Variants in SLC23A1 observed in about 807,000 individuals in gnomAD.
SLC23A1 encodes solute carrier family 23 member 1.
SLC23A1 carries 31 observed loss-of-function variants against 62.5 expected under a neutral mutation model. The observed-to-expected ratio is 0.50, with a 90% CI of 0.37 to 0.67. SLC23A1 has a LOEUF of 0.67. SLC23A1 is among the 30% of genes least tolerant of loss of function. SLC23A1 has a pLI of 0.00. For missense variants in SLC23A1, 640 were observed against 782.7 expected, an observed-to-expected ratio of 0.82 and a Z score of 2.18; for synonymous variants, 271 against 313.2, an observed-to-expected ratio of 0.87 and a Z score of 1.42.
At chr5:139,371,538 G>A (rs1233752832) in intron 14 of SLC23A1, among the ~76,000 whole-genome samples, 2 of 152,202 alleles carry the variant, frequency 1.3e-5, no homozygotes, top group African/African-American at 4.8e-5. Context: ...ATTTTATGAC[G>A]TTATTGAGAC....
chr5:139,385,365 C>T (rs975323635), upstream of SLC23A1, among the ~76,000 whole-genome samples: 1 of 152,166 alleles, frequency 6.6e-6, no homozygotes. Flanking sequence ...CCAGAGAAAG[C>T]AGGACTGAGA....
chr5:139,384,767 G>A (rs1758445016), upstream of SLC23A1: 1 of 984,832 alleles, frequency 1.0e-6, no homozygotes, highest in African/African-American at 1.7e-5. Flanking sequence ...AGCTGATGCA[G>A]CCTCTCTAAT....
chr5:139,377,087 C>G (rs1233255080), intron 13 of SLC23A1, among the ~76,000 whole-genome samples: 7 of 151,862 alleles, frequency 4.6e-5, no homozygotes, highest in African/African-American at 1.5e-4. Flanking sequence ...CCACTGCACT[C>G]CAGCCTGGGT....
chr5:139,383,114 TC>T (rs1758361681), intron 1 of SLC23A1, 103 bp downstream of exon 1: 1 of 754,576 alleles, frequency 1.3e-6, no homozygotes, highest in African/African-American at 1.8e-5. Flanking sequence ...CTTATCAAGT[TC>T]ATCAGAACGT....
In SLC23A1 at chr5:139,378,734, G is replaced by T; in HGVS notation, c.1074-50C>A. Reference sequence around the variant, plus strand: ...CTTGGTCCAGCCTCTGCACCAGTCTGTGTTCCCCCATCATCTTAGCAAGCT... The same window carrying T: ...CTTGGTCCAGCCTCTGCACCAGTCTTTGTTCCCCCATCATCTTAGCAAGCT... On this transcript the variant is annotated intron_variant, in intron 9 of 14. Transcript: ENST00000348729. This position sits in a 1 kb window ranked among gnomAD's most constrained non-coding sequence, Gnocchi z 4.5. 1 of 1,363,240 alleles carries T rather than the reference G, an allele frequency of 7.3e-7. No homozygotes were observed. Among genetic ancestry groups the T allele is most frequent in the Non-Finnish European group, 1.0e-6 (1 of 972,404 alleles). The allele number at this position is 1,363,240 out of a possible 1,614,324, so 84.4% of individuals were successfully genotyped here.
chr5:139,379,123 C>T lies in SLC23A1; in HGVS notation c.1073+84G>A. On this transcript the variant is annotated intron_variant, in intron 9 of 14. Transcript: ENST00000348729. The surrounding 1 kb of genome is among the most constrained non-coding windows in gnomAD (Gnocchi z 4.7). The stretch of plus-strand genomic sequence containing the variant: ...GTGTTCCCGACTTGCCTAAGCCTAC[C>T]CCCTGGGCCTCCACCCCGTTCCTGT... 3 of 1,435,740 alleles carry T rather than the reference C, an allele frequency of 2.1e-6. No individual in the cohort carries two copies. The highest frequency in any genetic ancestry group is 2.9e-6 in the Non-Finnish European group (3 of 1,029,590). 88.9% of individuals were successfully genotyped at this position (1,435,740 alleles called of 1,614,324 possible).
intron 14 of SLC23A1, among the ~76,000 whole-genome samples, chr5:139,368,271 C>G (rs931415426): frequency 1.3e-5 from 2 of 151,916 alleles, no homozygotes; most frequent in African/African-American, 4.8e-5. Flanking sequence ...ACCCGGGAGG[C>G]GGAGCTTGCA....
chr5:139,372,259 A>G lies in SLC23A1; in HGVS notation c.1550-6T>C, dbSNP rs768197107. On this transcript the variant is annotated splice_polypyrimidine_tract_variant and splice_region_variant and intron_variant, in intron 13 of 14. Transcript: ENST00000348729. The stretch of plus-strand genomic sequence containing the variant: ...ACCACGCTCCTCTGGGCTCCCTGGA[A>G]GAGGATAGTGAGGTCATTTACCAAG... 6.2e-7 allele frequency: 1 copy of G among 1,611,906 alleles called. No homozygotes were observed. The highest frequency in any genetic ancestry group is 8.5e-7 in the Non-Finnish European group (1 of 1,178,892).
chr5:139,380,384 C>G lies in SLC23A1; in HGVS notation c.471G>C (p.Gln157His), dbSNP rs1229701939. 5.6e-6 allele frequency: 9 copies of G among 1,613,234 alleles called. No individual in the cohort carries two copies. The highest frequency in any genetic ancestry group is 7.6e-6 in the Non-Finnish European group (9 of 1,179,726). Reference sequence around the variant, plus strand: ...CCACGCTGGACACCATGATTGCACCCTGGACCTGGAAGGGCAAACATCAGC... The same window carrying G: ...CCACGCTGGACACCATGATTGCACCGTGGACCTGGAAGGGCAAACATCAGC... ...HIWHPRIREVQGAIMVSSVVE... is the reference protein window; with the variant it reads ...HIWHPRIREVHGAIMVSSVVE... The change falls in exon 6 of 15, where the codon CAG becomes CAC. Residue 157 changes from glutamine to histidine, a missense_variant. Coordinates refer to ENST00000348729, the MANE Select transcript of SLC23A1 (RefSeq NM_005847.5).
At chr5:139,376,522 G>A (rs1344200964) in intron 13 of SLC23A1, among the ~76,000 whole-genome samples, 2 of 152,178 alleles carry the variant, frequency 1.3e-5, no homozygotes, top group Non-Finnish European at 2.9e-5. Flanking sequence ...GATGAAGTAA[G>A]ACACTTAGCT....
At chr5:139,376,414 C>T (rs1469057174) in intron 13 of SLC23A1, among the ~76,000 whole-genome samples, 3 of 152,122 alleles carry the variant, frequency 2.0e-5, no homozygotes, top group South Asian at 2.1e-4. Flanking sequence ...GTGATCCACC[C>T]GCCTTAGCCT....
Position 139,378,799 on chromosome 5 carries a change from T to C in SLC23A1, c.1074-115A>G. The C allele has an allele frequency of 2.6e-6, 2 of 759,472 alleles. No individual in the cohort carries two copies. The highest frequency in any genetic ancestry group is 4.5e-6 in the Non-Finnish European group (2 of 440,838). 47.0% of individuals were successfully genotyped at this position (759,472 alleles called of 1,614,324 possible). On this transcript the variant is annotated intron_variant, in intron 9 of 14. Transcript: ENST00000348729. This position sits in a 1 kb window ranked among gnomAD's most constrained non-coding sequence, Gnocchi z 4.5. The stretch of plus-strand genomic sequence containing the variant: ...CTGTGGGGGCTGCAGCTATCAGCTG[T>C]AGCACTCCCTACTACAGGCCAGAAT...
chr5:139,373,165 TTG>T (rs1177635039), intron 13 of SLC23A1, among the ~76,000 whole-genome samples: 3 of 151,948 alleles, frequency 2.0e-5, no homozygotes, highest in Non-Finnish European at 4.4e-5. Flanking sequence ...TTTTTTTGTG[TTG>T]TGTTTTTTTT....
Position 139,376,893 on chromosome 5 carries a change from G to A in SLC23A1, c.1549+509C>T, listed in dbSNP as rs561428655. Among the ~76,000 whole-genome samples, 9 of 152,224 alleles carry A rather than the reference G, an allele frequency of 5.9e-5. 1 individual carries two copies. In the South Asian group the frequency reaches 1.0e-3, roughly 18 times the overall value. ...ATCCAGCACTTTGGGAGGTTGAGGC[G>A]AGCGTATCACTTGAGGTCAGGAGTT... On this transcript the variant is annotated intron_variant, in intron 13 of 14. Coordinates refer to ENST00000348729, the MANE Select transcript of SLC23A1 (RefSeq NM_005847.5).
At chr5:139,384,574 G>T (rs1457701387), upstream of SLC23A1, 13 of 1,281,998 alleles carry the variant, frequency 1.0e-5, no homozygotes, top group Non-Finnish European at 1.1e-5. Context: ...CAACTCCCCA[G>T]CACTTTTCTC....
chr5:139,379,823 G>A lies in SLC23A1; in HGVS notation c.780C>T (p.Ala260=). The change falls in exon 8 of 15, where the codon GCC becomes GCT. Residue 260 remains alanine (A), a synonymous_variant. Transcript: ENST00000348729. The surrounding 1 kb of genome is among the most constrained non-coding windows in gnomAD (Gnocchi z 4.7). ...QIFKMFPIML[A]IMTVWLLCYV... Reference sequence around the variant, plus strand: ...AGCAGAGCAGCCACACGGTCATGATGGCCAGCATGATCTGAAGGAGGGGGG... The same window carrying A: ...AGCAGAGCAGCCACACGGTCATGATAGCCAGCATGATCTGAAGGAGGGGGG... 6.2e-7 allele frequency: 1 copy of A among 1,614,140 alleles called. No homozygotes were observed. The highest frequency in any genetic ancestry group is 8.5e-7 in the Non-Finnish European group (1 of 1,180,008).
chr5:139,374,776 T>TA (rs764663476), intron 13 of SLC23A1, among the ~76,000 whole-genome samples: 3 of 152,206 alleles, frequency 2.0e-5, no homozygotes, highest in Non-Finnish European at 4.4e-5. Context: ...CTGGATAGCT[T>TA]AAACTAGCCA....
At chr5:139,375,422 T>G (rs1283415169) in intron 13 of SLC23A1, among the ~76,000 whole-genome samples, 2 of 152,156 alleles carry the variant, frequency 1.3e-5, no homozygotes, top group Non-Finnish European at 2.9e-5. Context: ...TCTCAGCTCT[T>G]CAGGAGGCCG....
chr5:139,374,369 A>C (rs573909465), intron 13 of SLC23A1, among the ~76,000 whole-genome samples: 8 of 152,298 alleles, frequency 5.3e-5, no homozygotes, highest in Non-Finnish European at 8.8e-5. Context: ...AATGGTGTGA[A>C]CCTGGGAGGC....
Sources: allele counts gnomAD v4.1 joint callset (sites outside exome capture counted in the v4.1 genomes callset), GRCh38; gene constraint gnomAD v4.1.1; non-coding constraint Gnocchi (gnomAD v3.1); transcripts MANE v1.5; gene names NCBI Gene and HGNC (gene_info 2026-07-23, HGNC 2026-07-21).